TMEM245: variants seen among roughly 807,000 people sequenced by gnomAD.
The protein encoded by TMEM245 is transmembrane protein 245.
TMEM245 carries 69 observed loss-of-function variants against 101.2 expected under a neutral mutation model. The observed-to-expected ratio is 0.68, with a 90% CI of 0.56 to 0.83. The LOEUF (loss-of-function observed/expected upper bound fraction) is 0.83. TMEM245 is among the 40% of genes least tolerant of loss of function. TMEM245 has a pLI of 0.00. For synonymous variants in TMEM245, 537 were observed against 449.8 expected, an observed-to-expected ratio of 1.19 and a Z score of -2.45; for missense variants, 1,075 against 1,092.8, an observed-to-expected ratio of 0.98 and a Z score of 0.23.
chr9:109,017,014 C>A lies in TMEM245; in HGVS notation c.*3446G>T, dbSNP rs756727902. The A allele has an allele frequency of 6.6e-6, 1 of 152,114 alleles. No homozygotes were observed. Among genetic ancestry groups the A allele is most frequent in the Non-Finnish European group, 1.5e-5 (1 of 68,034 alleles). 9.4% of individuals were successfully genotyped at this position (152,114 alleles called of 1,614,324 possible). A position where few individuals can be genotyped will look rare whatever the true frequency, so the allele number is the denominator to read the frequency against. Reference sequence around the variant, plus strand: ...TAAATTACTTTCCTCTAATCTAACCCCTCACAGCCTGAATTTCTGAGTATT... The same window carrying A: ...TAAATTACTTTCCTCTAATCTAACCACTCACAGCCTGAATTTCTGAGTATT... On this transcript the variant is annotated 3_prime_UTR_variant, in exon 18 of 18. Transcript: ENST00000374586.
chr9:109,039,693 A>G (rs1828244911), intron 14 of TMEM245, among the ~76,000 whole-genome samples: 1 of 152,188 alleles, frequency 6.6e-6, no homozygotes, highest in Non-Finnish European at 1.5e-5. Flanking sequence ...TTGTGTTTTC[A>G]TAAAGGACCT....
At chr9:109,113,242 G>A (rs539265140) in intron 1 of TMEM245, among the ~76,000 whole-genome samples, 1 of 152,304 alleles carries the variant, frequency 6.6e-6, no homozygotes, top group South Asian at 2.1e-4. Flanking sequence ...ATTTGTACAT[G>A]CATGTTTCAC....
Position 109,091,080 on chromosome 9 carries a change from G to A in TMEM245, c.992C>T (p.Pro331Leu), listed in dbSNP as rs1180917017. Residue 331 changes from proline to leucine, a missense_variant, in exon 5 of 18, where the codon CCT becomes CTT. Physicochemically the swap from Pro to Leu is moderately conservative, Grantham distance 98 (BLOSUM62 -3). Coordinates refer to ENST00000374586, the MANE Select transcript of TMEM245 (RefSeq NM_032012.4). ...CCTTCGTCTGCCCAGAGTAGGTGAA[G>A]GGGAAGTGGGTGAAGGGGAGGAGGG... is the stretch of plus-strand genomic sequence containing the variant. ...PSPSSPSPTS[P>L]SPTLGRRRPE... The A allele has an allele frequency of 1.9e-6, 3 of 1,614,114 alleles. No homozygotes were observed. Among genetic ancestry groups the A allele is most frequent in the East Asian group, 2.2e-5 (1 of 44,872 alleles).
At chr9:109,081,038 G>A (rs957774554) in intron 7 of TMEM245, 95 bp from the exon 8 acceptor site, 3 of 774,050 alleles carry the variant, frequency 3.9e-6, no homozygotes, top group African/African-American at 1.8e-5. Flanking sequence ...AGGATCTCCA[G>A]CATGGCAAAG....
At chr9:109,025,421 C>A (rs1004376794) in intron 17 of TMEM245, among the ~76,000 whole-genome samples, 1 of 152,114 alleles carries the variant, frequency 6.6e-6, no homozygotes, top group Non-Finnish European at 1.5e-5. Flanking sequence ...AAGATATAAA[C>A]CTCAGGTTAA....
At chr9:109,090,518 C>G (rs1029862968) in intron 5 of TMEM245, among the ~76,000 whole-genome samples, 3 of 151,828 alleles carry the variant, frequency 2.0e-5, no homozygotes, top group African/African-American at 7.3e-5. Flanking sequence ...GTCAGGAGAT[C>G]GAGACTATCC....
At chr9:109,109,918 T>C (rs1358205794) in intron 1 of TMEM245, among the ~76,000 whole-genome samples, 2 of 152,152 alleles carry the variant, frequency 1.3e-5, no homozygotes, top group African/African-American at 2.4e-5. Flanking sequence ...GAAAAGAAAA[T>C]GTACTAAGAA....
At chr9:109,083,316 A>C (rs1829724947) in intron 7 of TMEM245, among the ~76,000 whole-genome samples, 1 of 152,226 alleles carries the variant, frequency 6.6e-6, no homozygotes, top group Non-Finnish European at 1.5e-5. Flanking sequence ...GAAGGGGACC[A>C]AAGGCCAGAC....
intron 9 of TMEM245, among the ~76,000 whole-genome samples, chr9:109,071,186 A>T (rs551553650): frequency 6.6e-6 from 1 of 152,132 alleles, no homozygotes; most frequent in Admixed American, 6.5e-5. Context: ...CACCTGGCCA[A>T]CATACTTATT....
rs1354547353 is a variant in TMEM245 at position 109,033,495 on chromosome 9, G to GC, written c.2405dup (p.His803ProfsTer39). 3.1e-6 allele frequency: 5 copies of GC among 1,593,580 alleles called. No individual in the cohort carries two copies. The highest frequency in any genetic ancestry group is 2.7e-5 in the African/African-American group (2 of 74,004). On this transcript the variant is annotated frameshift_variant, in exon 17 of 18. Transcript: ENST00000374586. LOFTEE classifies it high-confidence loss of function. The stretch of plus-strand genomic sequence containing the variant: ...CTGCCAAGCCTGTCAGGTAAGGATG[G>GC]CCACCTCTGGAATAAAGAGCACGAC...
At position 109,015,899 on chromosome 9, in the gene TMEM245, A is replaced by C. The variant is rs774547830; in HGVS notation, c.*4561T>G. 6.6e-6 allele frequency: 1 copy of C among 152,512 alleles called. No homozygotes were observed. Among genetic ancestry groups the C allele is most frequent in the Non-Finnish European group, 1.5e-5 (1 of 68,020 alleles). 9.4% of individuals were successfully genotyped at this position (152,512 alleles called of 1,614,324 possible). Reference sequence around the variant, plus strand: ...GATCCTTGAAAAACCTGCAAAATTAAACACAATACTGATTTTACACACCAC... The same window carrying C: ...GATCCTTGAAAAACCTGCAAAATTACACACAATACTGATTTTACACACCAC... On this transcript the variant is annotated 3_prime_UTR_variant, in exon 18 of 18. Coordinates refer to ENST00000374586, the MANE Select transcript of TMEM245 (RefSeq NM_032012.4).
In TMEM245 at chr9:109,087,344, TA is replaced by T. The variant is rs750157193; in HGVS notation, c.1151-3del. ...TGACAAGCTTTTTGAGTATCCAGAC[TA>T]AAAAAAGACAAAAAATACATATATA... On this transcript the variant is annotated splice_polypyrimidine_tract_variant and splice_region_variant and intron_variant, in intron 5 of 17. Coordinates refer to ENST00000374586, the MANE Select transcript of TMEM245 (RefSeq NM_032012.4). 1 of 1,582,290 alleles carries T rather than the reference TA, an allele frequency of 6.3e-7. No individual in the cohort carries two copies.
At chr9:109,028,306 C>T (rs768105883) in intron 17 of TMEM245, among the ~76,000 whole-genome samples, 8 of 151,656 alleles carry the variant, frequency 5.3e-5, no homozygotes, top group Admixed American at 2.0e-4. Flanking sequence ...AAAAATTAGC[C>T]GGGCGTAGTG....
At chr9:109,091,801 T>C (rs927010654) in intron 4 of TMEM245, among the ~76,000 whole-genome samples, 4 of 152,216 alleles carry the variant, frequency 2.6e-5, no homozygotes, top group African/African-American at 9.6e-5. Context: ...GGTGCTATTA[T>C]TTCTATTTCC....
intron 5 of TMEM245, among the ~76,000 whole-genome samples, chr9:109,090,403 A>C (rs1270130539): frequency 6.6e-6 from 1 of 152,114 alleles, no homozygotes; most frequent in East Asian, 1.9e-4. Context: ...AAATTGTAAG[A>C]AGCTAAACAC....
Position 109,087,303 on chromosome 9 carries a change from A to G in TMEM245, c.1190T>C (p.Val397Ala), listed in dbSNP as rs776757646. ...LKKLVIHFGV[V>A]DFLEKRYHVW... ...ATGGTAGCGTTTCTCTAGGAAATCC[A>G]CAACTCCAAAGTGAATGACAAGCTT... The change falls in exon 6 of 18, where the codon GTG (valine) becomes GCG (alanine). Residue 397 changes from valine to alanine, a missense_variant. By Grantham distance (64) the Val-to-Ala change is moderately conservative (BLOSUM62 0). Around this residue, in one of 2 missense-constraint regions of TMEM245, gnomAD observed 808 missense variants for 741.5 expected, o/e 1.09. Transcript: ENST00000374586. 18 of 1,612,290 alleles carry G rather than the reference A, an allele frequency of 1.1e-5. No homozygotes were observed. In the Admixed American group the frequency reaches 3.0e-4, roughly 27 times the overall value.
chr9:109,044,233 TA>T (rs1354977667), intron 14 of TMEM245, among the ~76,000 whole-genome samples: 4 of 152,018 alleles, frequency 2.6e-5, no homozygotes, highest in Non-Finnish European at 5.9e-5. Context: ...CTAAACTGAG[TA>T]AGAAAAAAAT....
At chr9:109,073,856 G>GTTT (rs904054098) in intron 8 of TMEM245, among the ~76,000 whole-genome samples, 12,625 of 119,500 alleles carry the variant, frequency 0.11, 1,031 homozygotes, top group African/African-American at 0.17. Flanking sequence ...TTTTTTTTTT[G>GTTT]TTTTTTTTTT....
rs887131766 is a variant in TMEM245, at chr9:109,119,896, G to A, written c.18C>T (p.Gly6=). The A allele has an allele frequency of 9.4e-6, 12 of 1,272,276 alleles. No individual in the cohort carries two copies. In the African/African-American group the frequency reaches 1.2e-4, roughly 13 times the overall value. The allele number at this position is 1,272,276 out of a possible 1,614,324, so 78.8% of individuals were successfully genotyped here. ...TCCGCAGGCTTGGCGCGTCCTTAGG[G>A]CCGCCGCCGTCGGCCATCGTTCCTC... MADGG[G]PKDAPSLRSS... Residue 6 remains glycine (G), a synonymous_variant, in exon 1 of 18, where the codon GGC becomes GGT. Transcript: ENST00000374586.
Sources: allele counts gnomAD v4.1 joint callset (sites outside exome capture counted in the v4.1 genomes callset), GRCh38; gene constraint gnomAD v4.1.1; regional missense constraint gnomAD v4.1.1; transcripts MANE v1.5; gene names NCBI Gene and HGNC (gene_info 2026-07-23, HGNC 2026-07-21).